Variants in CCDC88C observed in about 807,000 individuals in gnomAD.
CCDC88C encodes protein Daple.
In CCDC88C, 131 loss-of-function variants were observed where a neutral mutation model predicts 198.8. That is an observed-to-expected ratio of 0.66 (90% confidence interval 0.57 to 0.76). The LOEUF is 0.76. Ranked by LOEUF, CCDC88C falls within the 30% of genes least tolerant of loss-of-function variation. CCDC88C has a pLI of 0.00. For synonymous variants in CCDC88C, 1,166 were observed against 1,114.7 expected, an observed-to-expected ratio of 1.05 and a Z score of -0.92; for missense variants, 2,553 against 2,631.6, an observed-to-expected ratio of 0.97 and a Z score of 0.65.
At chr14:91,399,779 C>T (rs188765944) in intron 3 of CCDC88C, among the ~76,000 whole-genome samples, 11 of 147,946 alleles carry the variant, frequency 7.4e-5, no homozygotes, top group Admixed American at 2.1e-4. Flanking sequence ...GCAGAGGTTG[C>T]AGTGAGCCGA....
intron 12 of CCDC88C, among the ~76,000 whole-genome samples, chr14:91,322,770 CCA>C (rs1235636088): frequency 2.6e-5 from 4 of 152,148 alleles, no homozygotes; most frequent in African/African-American, 7.2e-5. Flanking sequence ...CCCAAACTGA[CCA>C]CAGAGATTAA....
intron 4 of CCDC88C, among the ~76,000 whole-genome samples, chr14:91,358,353 C>T (rs1182905033): frequency 6.6e-6 from 1 of 152,204 alleles, no homozygotes; most frequent in Non-Finnish European, 1.5e-5. Context: ...TTAGGATTCA[C>T]GGTTTATTAC....
At chr14:91,304,041 C>A in intron 19 of CCDC88C, 63 bp from the exon 20 acceptor site, 1 of 1,555,998 alleles carries the variant, frequency 6.4e-7, no homozygotes, top group Non-Finnish European at 8.7e-7. Context: ...GGCTGGGGAG[C>A]AGGTCAAGTG....
intron 15 of CCDC88C, among the ~76,000 whole-genome samples, chr14:91,312,082 G>A (rs752126992): frequency 6.6e-6 from 1 of 152,076 alleles, no homozygotes; most frequent in Non-Finnish European, 1.5e-5. Context: ...AATAATTACA[G>A]TAAACCTATA....
At position 91,417,761 on chromosome 14, in the gene CCDC88C, C is replaced by CGGCGCCGCGGCACAAAACG. The variant is rs1394365978; in HGVS notation, c.-72_-71insCGTTTTGTGCCGCGGCGCC. 4 of 1,277,802 alleles carry CGGCGCCGCGGCACAAAACG rather than the reference C, an allele frequency of 3.1e-6. No homozygotes were observed. The highest frequency in any genetic ancestry group is 4.1e-6 in the Non-Finnish European group (4 of 971,572). 79.2% of individuals were successfully genotyped at this position (1,277,802 alleles called of 1,614,324 possible). A position where few individuals can be genotyped will look rare whatever the true frequency, so the allele number is the denominator to read the frequency against. ...CGTTCCCCCGCGCCGCGGCACAAAA[C>CGGCGCCGCGGCACAAAACG]GGCTCCGCAGCGAGCAGCGGGCGCG... On this transcript the variant is annotated 5_prime_UTR_variant, in exon 1 of 30. Transcript: ENST00000389857.
In CCDC88C at chr14:91,303,959, C is replaced by G. The variant is rs749353312; in HGVS notation, c.3377G>C (p.Ser1126Thr). 3 of 1,604,984 alleles carry G rather than the reference C, an allele frequency of 1.9e-6. No homozygotes were observed. In the East Asian group the frequency reaches 6.7e-5, roughly 36 times the overall value. Residue 1126 changes from serine (S) to threonine (T), a missense_variant, in exon 20 of 30, where the codon AGT becomes ACT. This residue lies in a region of CCDC88C where 1,293 missense variants were observed against 1,219.6 expected (regional missense o/e 1.06). Coordinates refer to ENST00000389857, the MANE Select transcript of CCDC88C (RefSeq NM_001080414.4). ...AKLQVENSTL[S>T]SQSAALTAQY... ...CGCGGTGAGCGCTGCGCTCTGGGAA[C>G]TCAGCGTGGAGTTCTCCACCTGCCG...
At chr14:91,358,946 G>C (rs1017319098) in intron 4 of CCDC88C, among the ~76,000 whole-genome samples, 3 of 152,158 alleles carry the variant, frequency 2.0e-5, no homozygotes, top group Non-Finnish European at 1.5e-5. Context: ...CAGGACCCCA[G>C]TGACAGATGT....
At chr14:91,362,926 C>T (rs1412814600) in intron 3 of CCDC88C, among the ~76,000 whole-genome samples, 4 of 146,902 alleles carry the variant, frequency 2.7e-5, no homozygotes, top group African/African-American at 5.2e-5. Flanking sequence ...GAGACTCCAT[C>T]TCAGGAAAAA....
At chr14:91,329,156 C>T (rs549648638) in intron 10 of CCDC88C, among the ~76,000 whole-genome samples, 10 of 152,330 alleles carry the variant, frequency 6.6e-5, no homozygotes, top group East Asian at 1.9e-4. Flanking sequence ...TGAACTTCAC[C>T]GAAGACCTGC....
At chr14:91,317,690 C>A (rs974442905) in intron 13 of CCDC88C, among the ~76,000 whole-genome samples, 12 of 152,224 alleles carry the variant, frequency 7.9e-5, no homozygotes, top group Admixed American at 3.9e-4. Context: ...ACAGCCCTGC[C>A]TGCAAACAGC....
intron 24 of CCDC88C, among the ~76,000 whole-genome samples, chr14:91,290,476 G>A (rs1300613473): frequency 1.3e-5 from 2 of 152,196 alleles, no homozygotes; most frequent in East Asian, 3.9e-4. Context: ...GCTAGGGTGG[G>A]CCAGCCCCAC....
At chr14:91,359,160 C>CTTTTTTTTTTT (rs950112450) in intron 4 of CCDC88C, among the ~76,000 whole-genome samples, 1 of 108,656 alleles carries the variant, frequency 9.2e-6, no homozygotes, top group African/African-American at 3.5e-5. Flanking sequence ...AGGCTTCATT[C>CTTTTTTTTTTT]TTTTTTTTTT....
Position 91,303,900 on chromosome 14 carries a change from T to G in CCDC88C, c.3436A>C (p.Lys1146Gln). Residue 1146 changes from lysine to glutamine, a missense_variant, in exon 20 of 30, where the codon AAG becomes CAG. Coordinates refer to ENST00000389857, the MANE Select transcript of CCDC88C (RefSeq NM_001080414.4). ...TGCAGGCTTTCGTTCTCCGTCTCCT[T>G]GGCCGTGTGGTGGTTCTGCAGCAGC... Reference protein sequence around the residue: ...YTLLQNHHTAKETENESLQRQ... With the variant: ...YTLLQNHHTAQETENESLQRQ... 1 of 1,612,772 alleles carries G rather than the reference T, an allele frequency of 6.2e-7. No homozygotes were observed. The highest frequency in any genetic ancestry group is 8.5e-7 in the Non-Finnish European group (1 of 1,179,874).
chr14:91,370,863 CA>C (rs1341844487), intron 3 of CCDC88C, among the ~76,000 whole-genome samples: 1 of 152,090 alleles, frequency 6.6e-6, no homozygotes, highest in South Asian at 2.1e-4. Context: ...AGGTCCGGAG[CA>C]AAAAATGACA....
At position 91,283,386 on chromosome 14, in the gene CCDC88C, T is replaced by C. The variant is rs1324623099; in HGVS notation, c.4573A>G (p.Thr1525Ala). The change falls in exon 26 of 30, where the codon ACC (threonine) becomes GCC (alanine). Residue 1525 changes from threonine (T) to alanine (A), a missense_variant. Coordinates refer to ENST00000389857, the MANE Select transcript of CCDC88C (RefSeq NM_001080414.4). The part of the protein sequence containing the change: ...LGSRTCSTSA[T>A]TTAPSNSTPI... ...GTGGAGTTGGAAGGGGCTGTAGTGG[T>C]GGCTGAAGTTGAGCAAGTCCGGGAG... 1 of 1,613,304 alleles carries C rather than the reference T, an allele frequency of 6.2e-7. No individual in the cohort carries two copies. The highest frequency in any genetic ancestry group is 1.1e-5 in the South Asian group (1 of 90,998).
At position 91,314,065 on chromosome 14, in the gene CCDC88C, C is replaced by T. The variant is rs757971736; in HGVS notation, c.1751G>A (p.Arg584His). 1.3e-5 allele frequency: 21 copies of T among 1,613,828 alleles called. 1 individual carries two copies. Among genetic ancestry groups the T allele is most frequent in the South Asian group, 1.1e-4 (10 of 91,074 alleles). The change falls in exon 15 of 30, where the codon CGC (arginine) becomes CAC (histidine). Residue 584 changes from arginine to histidine, a missense_variant. Transcript: ENST00000389857. ...RERSQVSSEA[R>H]MKDVEKENKA... ...GTTCTCCTTCTCCACGTCTTTCATG[C>T]GGGCCTCACTGCTGACCTGCGACCT...
At chr14:91,314,972 A>G (rs1197752145) in intron 14 of CCDC88C, among the ~76,000 whole-genome samples, 1 of 152,234 alleles carries the variant, frequency 6.6e-6, no homozygotes, top group African/African-American at 2.4e-5. Context: ...TCCCATCTCT[A>G]TTAAACAAAA....
At chr14:91,412,243 A>T (rs1359637756) in intron 2 of CCDC88C, among the ~76,000 whole-genome samples, 1 of 152,020 alleles carries the variant, frequency 6.6e-6, no homozygotes, top group Non-Finnish European at 1.5e-5. Context: ...GCTAAAAAAC[A>T]ATAGCAAGAG....
chr14:91,343,917 C>G (rs996671399), intron 4 of CCDC88C, among the ~76,000 whole-genome samples: 5 of 152,230 alleles, frequency 3.3e-5, no homozygotes, highest in Admixed American at 3.3e-4. Context: ...CCTCCCAAGG[C>G]TCAAGCGATC....
Sources: gnomAD v4.1 joint callset for allele counts (sites outside exome capture counted in the v4.1 genomes callset) on GRCh38, gnomAD v4.1.1 for gene constraint, gnomAD v4.1.1 regional missense constraint, MANE v1.5 for transcripts, NCBI Gene and HGNC (gene_info 2026-07-23, HGNC 2026-07-21) for gene names.